The following NME9 variants were observed in gnomAD, a reference collection of about 807,000 sequenced individuals.
NME9 encodes NME/NM23 family member 9, also known as thioredoxin domain-containing protein 6.
A neutral mutation model predicts 44.4 loss-of-function variants in NME9; 48 were observed. That is an observed-to-expected ratio of 1.08 (90% confidence interval 0.86 to 1.37). NME9 has a LOEUF of 1.37. NME9 is among the 40% of genes most tolerant of loss of function. NME9 has a pLI of 0.00. For synonymous variants in NME9, 139 were observed against 147.1 expected (o/e 0.94, Z 0.40); for missense variants, 325 against 405.2 (o/e 0.80, Z 1.70).
At chr3:138,312,627 T>C (rs1286306061) in intron 6 of NME9, among the ~76,000 whole-genome samples, 1 of 152,210 alleles carries the variant, frequency 6.6e-6, no homozygotes, top group Non-Finnish European at 1.5e-5. Flanking sequence ...AAGGCATAAT[T>C]CTAAGACCTG....
At chr3:138,263,512 T>C (rs1411031494) in intron 8 of NME9, 1 of 561,488 alleles carries the variant, frequency 1.8e-6, no homozygotes, top group Non-Finnish European at 3.2e-6. Context: ...ATAAACAACA[T>C]AACCTGCCCC....
intron 8 of NME9, among the ~76,000 whole-genome samples, chr3:138,266,323 T>C (rs910817890): frequency 1.3e-5 from 2 of 152,114 alleles, no homozygotes; most frequent in African/African-American, 4.8e-5. Flanking sequence ...CTTTCTATGC[T>C]TGGAACACAC....
intron 8 of NME9, among the ~76,000 whole-genome samples, chr3:138,289,320 T>C (rs2050725781): frequency 6.6e-6 from 1 of 152,126 alleles, no homozygotes; most frequent in African/African-American, 2.4e-5. Context: ...GAGTGCCCCG[T>C]TGGAGCCAAC....
intron 6 of NME9, among the ~76,000 whole-genome samples, chr3:138,311,120 C>T (rs575513229): frequency 6.6e-6 from 1 of 152,230 alleles, no homozygotes; most frequent in South Asian, 2.1e-4. Context: ...AACAACTATA[C>T]ACCAACAAAT....
At chr3:138,318,309 C>G (rs1277151713) in intron 3 of NME9, 90 bp from the exon 4 acceptor site, 1 of 842,814 alleles carries the variant, frequency 1.2e-6, no homozygotes, top group Non-Finnish European at 2.1e-6. Context: ...AACTGAACAC[C>G]CCCAGGACTG....
chr3:138,266,509 T>G (rs1489781856), intron 8 of NME9, among the ~76,000 whole-genome samples: 2 of 152,184 alleles, frequency 1.3e-5, no homozygotes, highest in Non-Finnish European at 2.9e-5. Flanking sequence ...TGTTTTTCAT[T>G]TCCCTGCTAC....
chr3:138,306,866 A>G (rs1251756471), intron 6 of NME9, among the ~76,000 whole-genome samples: 1 of 152,206 alleles, frequency 6.6e-6, no homozygotes, highest in Non-Finnish European at 1.5e-5. Context: ...AAGAGGAGGT[A>G]TAGGAGAAAG....
chr3:138,286,284 G>T (rs3856634), intron 8 of NME9, among the ~76,000 whole-genome samples: 151,064 of 152,322 alleles, frequency 0.99, 74,925 homozygotes, highest in East Asian at 1. Flanking sequence ...CTGTACATAC[G>T]GCCTCCTCCT....
intron 2 of NME9, 156 bp downstream of exon 2, chr3:138,324,693 TACACACACACACACACACACACAC>T (rs55961241): frequency 1.3e-5 from 7 of 534,518 alleles, no homozygotes; most frequent in African/African-American, 2.1e-5. Flanking sequence ...TCAAGCCAGA[TACACACACACACACACACACACAC>T]ACACACACAC....
chr3:138,322,284 A>C (rs963585513), intron 2 of NME9, among the ~76,000 whole-genome samples: 4 of 148,718 alleles, frequency 2.7e-5, no homozygotes, highest in African/African-American at 9.9e-5. Flanking sequence ...TGCCATTTCT[A>C]CTAGCTTTTC....
chr3:138,295,990 T>C, intron 8 of NME9: 1 of 1,340,596 alleles, frequency 7.5e-7, no homozygotes, highest in Non-Finnish European at 1.0e-6. Flanking sequence ...ACAAGTCACC[T>C]TGGACTGCAG....
At chr3:138,302,754 C>T (rs1287923854) in intron 10 of NME9, among the ~76,000 whole-genome samples, 1 of 152,246 alleles carries the variant, frequency 6.6e-6, no homozygotes, top group Non-Finnish European at 1.5e-5. Flanking sequence ...AACATTTAGA[C>T]ACACATTTCA....
At chr3:138,268,842 A>G (rs551745707) in intron 8 of NME9, among the ~76,000 whole-genome samples, 6 of 152,046 alleles carry the variant, frequency 3.9e-5, no homozygotes, top group African/African-American at 1.4e-4. Flanking sequence ...CTATAAGAGC[A>G]TTTTTTTTGT....
At chr3:138,308,689 G>A (rs1294900585) in intron 6 of NME9, among the ~76,000 whole-genome samples, 4 of 152,130 alleles carry the variant, frequency 2.6e-5, no homozygotes, top group Non-Finnish European at 5.9e-5. Flanking sequence ...ATTACATGCA[G>A]CTTTTTTGAT....
intron 8 of NME9, chr3:138,263,470 C>T (rs2047953433): frequency 2.2e-6 from 1 of 451,264 alleles, no homozygotes; most frequent in Non-Finnish European, 4.1e-6. Context: ...AGTACTTATA[C>T]CATTTAATTT....
chr3:138,325,758 T>C (rs901670333), intron 1 of NME9, among the ~76,000 whole-genome samples: 1 of 151,850 alleles, frequency 6.6e-6, no homozygotes, highest in Non-Finnish European at 1.5e-5. Context: ...AATTTCAAAC[T>C]TAGAGAAAGT....
intron 2 of NME9, among the ~76,000 whole-genome samples, chr3:138,321,250 A>G (rs2108460041): frequency 6.6e-6 from 1 of 152,370 alleles, no homozygotes; most frequent in East Asian, 1.9e-4. Flanking sequence ...GCAGTTTATA[A>G]TGAACAGAAA....
At chr3:138,264,487 T>C (rs1443406377) in intron 8 of NME9, among the ~76,000 whole-genome samples, 1 of 149,326 alleles carries the variant, frequency 6.7e-6, no homozygotes, top group East Asian at 2.0e-4. Flanking sequence ...TGGCATGATC[T>C]TGGCTCACTG....
In NME9 at chr3:138,272,116, C is replaced by G. The variant is rs371503266; in HGVS notation, c.746-9530G>C. Among the ~76,000 whole-genome samples, 87 of 152,258 alleles carry G rather than the reference C, an allele frequency of 5.7e-4. No homozygotes were observed. In the South Asian group the frequency reaches 0.017, roughly 30 times the overall value. On this transcript the variant is annotated intron_variant, in intron 8 of 8. Transcript: ENST00000317876. ...AGGAGCAAAATAGCTACTAGCCACC[C>G]GGGATTACTGGTAGCTCAGACACAC...
Sources: allele counts gnomAD v4.1 joint callset (sites outside exome capture counted in the v4.1 genomes callset), GRCh38; gene constraint gnomAD v4.1.1; transcripts MANE v1.5; gene names NCBI Gene and HGNC (gene_info 2026-07-23, HGNC 2026-07-21).